The following FGF12 variants were observed in gnomAD, a reference collection of about 807,000 sequenced individuals.
FGF12 encodes the protein fibroblast growth factor 12B.
In FGF12, 14 loss-of-function variants were observed where a neutral mutation model predicts 23.6. The observed-to-expected ratio is 0.59, with a 90% CI of 0.39 to 0.93. The LOEUF (loss-of-function observed/expected upper bound fraction) is 0.93. Among genes scored for constraint, FGF12 ranks in the 40% least tolerant of loss-of-function variants. FGF12 has a pLI of 0.00. For missense variants in FGF12, 175 were observed against 217.8 expected, an observed-to-expected ratio of 0.80 and a Z score of 1.24; for synonymous variants, 62 against 77.3, an observed-to-expected ratio of 0.80 and a Z score of 1.04.
At chr3:192,560,179 T>C (rs1047366523) in intron 2 of FGF12, among the ~76,000 whole-genome samples, 4 of 151,902 alleles carry the variant, frequency 2.6e-5, no homozygotes, top group African/African-American at 9.7e-5. Flanking sequence ...TTTCTGAAAA[T>C]GTATGTTCAC....
At chr3:192,299,777 A>G (rs1212991236) in intron 4 of FGF12, among the ~76,000 whole-genome samples, 1 of 152,180 alleles carries the variant, frequency 6.6e-6, no homozygotes, top group Non-Finnish European at 1.5e-5. Flanking sequence ...AACGACTGGA[A>G]TGCCACATGA....
intron 2 of FGF12, among the ~76,000 whole-genome samples, chr3:192,721,888 G>T (rs1719049655): frequency 6.6e-6 from 1 of 152,136 alleles, no homozygotes; most frequent in Non-Finnish European, 1.5e-5. Context: ...CCTCTTTGGA[G>T]CTCATTAATC....
intron 2 of FGF12, among the ~76,000 whole-genome samples, chr3:192,642,946 A>G (rs1715862221): frequency 6.6e-6 from 1 of 152,144 alleles, no homozygotes; most frequent in Non-Finnish European, 1.5e-5. Flanking sequence ...ATTCCTTTTT[A>G]CTACTAAATG....
At position 192,706,436 on chromosome 3, in the gene FGF12, C is replaced by T. The variant is rs920386995; in HGVS notation, c.13+20745G>A. On this transcript the variant is annotated intron_variant, in intron 2 of 5. Coordinates refer to ENST00000445105, the MANE Select transcript of FGF12 (RefSeq NM_004113.6). ...AGGTCACGTTAAGTCACCGACTGACCGCCGAACAGCACCCGGATGAATTCC... is the reference window on the plus strand; with the variant it reads ...AGGTCACGTTAAGTCACCGACTGACTGCCGAACAGCACCCGGATGAATTCC... Among the ~76,000 whole-genome samples, 4 of 152,044 alleles carry T rather than the reference C, an allele frequency of 2.6e-5. No homozygotes were observed. The East Asian group carries it at 5.8e-4, about 22-fold the overall frequency.
At chr3:192,196,082 T>C (rs1244474080) in intron 4 of FGF12, among the ~76,000 whole-genome samples, 3 of 152,194 alleles carry the variant, frequency 2.0e-5, no homozygotes, top group African/African-American at 4.8e-5. Flanking sequence ...TTAGAGTTTA[T>C]AGATTCTACA....
At chr3:192,688,878 G>GAT (rs1169750828) in intron 2 of FGF12, among the ~76,000 whole-genome samples, 6 of 152,000 alleles carry the variant, frequency 3.9e-5, no homozygotes, top group South Asian at 2.1e-4. Context: ...TAAAATGTGG[G>GAT]ATATATATAT....
chr3:192,265,130 G>A (rs1252342532), intron 4 of FGF12: 1 of 152,238 alleles, frequency 6.6e-6, no homozygotes, highest in Admixed American at 6.5e-5. Context: ...GACAAACAAG[G>A]TAACTTAAGT....
At chr3:192,538,481 G>A (rs1213851941) in intron 2 of FGF12, among the ~76,000 whole-genome samples, 1 of 152,088 alleles carries the variant, frequency 6.6e-6, no homozygotes, top group Non-Finnish European at 1.5e-5. Flanking sequence ...TGGTCTATTT[G>A]TCTGGTTTTA....
intron 2 of FGF12, among the ~76,000 whole-genome samples, chr3:192,476,382 A>G (rs997048883): frequency 2.0e-5 from 3 of 152,160 alleles, no homozygotes; most frequent in Non-Finnish European, 4.4e-5. Context: ...GTGAATCCCA[A>G]TTGTTTGAGT....
intron 2 of FGF12, among the ~76,000 whole-genome samples, chr3:192,581,500 A>ATGTGTGTGTGTG (rs1713156256): frequency 6.7e-6 from 1 of 149,426 alleles, no homozygotes; most frequent in African/African-American, 2.5e-5. Flanking sequence ...ATATATATAT[A>ATGTGTGTGTGTG]TATATATATA....
chr3:192,660,579 T>C (rs1014147279), intron 2 of FGF12, among the ~76,000 whole-genome samples: 1 of 151,438 alleles, frequency 6.6e-6, no homozygotes, highest in African/African-American at 2.4e-5. Flanking sequence ...CTAGTGAAGA[T>C]AGGAAGAGCT....
At chr3:192,355,870 C>T (rs932997646) in intron 3 of FGF12, among the ~76,000 whole-genome samples, 1 of 152,232 alleles carries the variant, frequency 6.6e-6, no homozygotes, top group Non-Finnish European at 1.5e-5. Flanking sequence ...TTGTTTTCGT[C>T]GTGTTCAGAC....
intron 4 of FGF12, among the ~76,000 whole-genome samples, chr3:192,204,277 T>C (rs1364557526): frequency 2.0e-5 from 3 of 152,180 alleles, no homozygotes; most frequent in Non-Finnish European, 2.9e-5. Context: ...CATGCAAAGC[T>C]GTACAGCAGA....
intron 2 of FGF12, among the ~76,000 whole-genome samples, chr3:192,700,638 C>A (rs951761488): frequency 1.3e-4 from 20 of 152,100 alleles, no homozygotes; most frequent in African/African-American, 4.8e-4. Context: ...AATATGAAAA[C>A]CAGAAATAAA....
rs75083003 is a variant in FGF12 at position 192,443,835 on chromosome 3, C to G, written c.14-83297G>C. On this transcript the variant is annotated intron_variant, in intron 2 of 5. Coordinates refer to ENST00000445105, the MANE Select transcript of FGF12 (RefSeq NM_004113.6). The stretch of plus-strand genomic sequence containing the variant: ...GTCAAGTTCTGCTCCATGATGCACA[C>G]ACAAGGTTCTGTAGCTTATGGGAAC... Among the ~76,000 whole-genome samples the G allele has an allele frequency of 3.1e-3, 469 of 152,272 alleles. 2 individuals carry two copies. The highest frequency in any genetic ancestry group is 0.011 in the African/African-American group (439 of 41,552).
chr3:192,723,072 T>C (rs1719091131), intron 2 of FGF12, among the ~76,000 whole-genome samples: 1 of 152,066 alleles, frequency 6.6e-6, no homozygotes, highest in Non-Finnish European at 1.5e-5. Flanking sequence ...TTCACTCTGT[T>C]TAGAAGTGCC....
chr3:192,292,294 CAA>C (rs1310661387), intron 4 of FGF12, among the ~76,000 whole-genome samples: 1 of 151,432 alleles, frequency 6.6e-6, no homozygotes, highest in Non-Finnish European at 1.5e-5. Flanking sequence ...GAATACCAAA[CAA>C]TTTTTTTTTT....
intron 4 of FGF12, among the ~76,000 whole-genome samples, chr3:192,275,414 A>T (rs967444726): frequency 6.6e-6 from 1 of 152,214 alleles, no homozygotes; most frequent in Non-Finnish European, 1.5e-5. Flanking sequence ...TTCTGTTTGT[A>T]AAACCAAACT....
At chr3:192,276,309 A>C (rs1159690118) in intron 4 of FGF12, among the ~76,000 whole-genome samples, 1 of 152,208 alleles carries the variant, frequency 6.6e-6, no homozygotes, top group Non-Finnish European at 1.5e-5. Context: ...CCTACACAAC[A>C]ACCTAGATGA....
Sources: gnomAD v4.1 joint callset for allele counts (sites outside exome capture counted in the v4.1 genomes callset) on GRCh38, gnomAD v4.1.1 for gene constraint, MANE v1.5 for transcripts, NCBI Gene and HGNC (gene_info 2026-07-23, HGNC 2026-07-21) for gene names.